LMBR1: variants seen among roughly 807,000 people sequenced by gnomAD.
LMBR1 encodes the protein limb development membrane protein 1, also known as limb region 1 protein homolog.
Under a neutral mutation model 73.9 loss-of-function variants are expected in LMBR1, and 52 were observed. That is an observed-to-expected ratio of 0.70 (90% CI 0.56 to 0.89). LMBR1 has a LOEUF of 0.89. LMBR1 is among the 40% of genes least tolerant of loss of function. The probability of loss-of-function intolerance (pLI) is 0.00; values close to 1 mark genes in which losing one functional copy is unlikely to be tolerated. For missense variants in LMBR1, 539 were observed against 579.8 expected (o/e 0.93, Z 0.72); for synonymous variants, 215 against 209.4 (o/e 1.03, Z -0.23).
chr7:156,761,116 C>T lies in LMBR1; in HGVS notation c.684+1018G>A, dbSNP rs138799858. 7.3e-3 allele frequency among the ~76,000 whole-genome samples: 1,119 copies of T among 152,262 alleles called. 8 individuals carry two copies. Among genetic ancestry groups the T allele is most frequent in the African/African-American group, 0.026 (1,066 of 41,558 alleles). ...TGCATAGAGCCTATTCAGAGCACAG[C>T]AAGTTCGCTCATGAGCTAGAGTGAC... On this transcript the variant is annotated intron_variant, in intron 8 of 16. Transcript: ENST00000353442.
At chr7:156,815,665 G>A (rs1466193711) in intron 4 of LMBR1, among the ~76,000 whole-genome samples, 1 of 152,110 alleles carries the variant, frequency 6.6e-6, no homozygotes, top group Admixed American at 6.5e-5. Context: ...CATTAGCCAC[G>A]TGGCTCACTT....
intron 3 of LMBR1, among the ~76,000 whole-genome samples, chr7:156,827,852 A>G (rs191718297): frequency 6.6e-6 from 1 of 152,172 alleles, no homozygotes; most frequent in Non-Finnish European, 1.5e-5. Context: ...TCCTTGGTTT[A>G]GTAAATCAAT....
At chr7:156,789,546 C>G (rs1431898211) in intron 5 of LMBR1, among the ~76,000 whole-genome samples, 2 of 152,018 alleles carry the variant, frequency 1.3e-5, no homozygotes, top group African/African-American at 4.8e-5. Context: ...AATTAATGTA[C>G]CAAGGTTCAG....
At chr7:156,874,854 A>G (rs1369575979) in intron 1 of LMBR1, among the ~76,000 whole-genome samples, 2 of 152,236 alleles carry the variant, frequency 1.3e-5, no homozygotes, top group African/African-American at 4.8e-5. Flanking sequence ...AAGGAACCAG[A>G]AAAACAATTC....
chr7:156,851,190 G>A (rs944019898), intron 1 of LMBR1, among the ~76,000 whole-genome samples: 1 of 152,096 alleles, frequency 6.6e-6, no homozygotes, highest in African/African-American at 2.4e-5. Context: ...TTCCTTTACA[G>A]CAACGCAAAA....
intron 5 of LMBR1, among the ~76,000 whole-genome samples, chr7:156,782,557 G>GT (rs1827338209): frequency 1.3e-5 from 2 of 151,824 alleles, no homozygotes; most frequent in Non-Finnish European, 2.9e-5. Context: ...TTGTTTGTTT[G>GT]TTTTTGAAAC....
intron 9 of LMBR1, among the ~76,000 whole-genome samples, chr7:156,751,606 C>T (rs1270913297): frequency 6.6e-6 from 1 of 152,148 alleles, no homozygotes; most frequent in African/African-American, 2.4e-5. Context: ...AGGAAGCTAC[C>T]GCAAAAACCT....
At chr7:156,852,374 G>A (rs1039508249) in intron 1 of LMBR1, among the ~76,000 whole-genome samples, 1 of 152,054 alleles carries the variant, frequency 6.6e-6, no homozygotes, top group Non-Finnish European at 1.5e-5. Context: ...AAAAAAATAA[G>A]AGATTGCTTA....
intron 5 of LMBR1, among the ~76,000 whole-genome samples, chr7:156,789,379 G>A (rs1003265397): frequency 9.2e-5 from 14 of 151,974 alleles, no homozygotes; most frequent in East Asian, 3.9e-4. Context: ...TATTTAAGTC[G>A]TATCATGTTA....
At chr7:156,816,238 C>T (rs1247049956) in intron 4 of LMBR1, among the ~76,000 whole-genome samples, 1 of 151,942 alleles carries the variant, frequency 6.6e-6, no homozygotes, top group Non-Finnish European at 1.5e-5. Flanking sequence ...CAGAGTCTCA[C>T]TCTGCTGCCC....
At chr7:156,836,053 C>T (rs1225496823) in intron 2 of LMBR1, among the ~76,000 whole-genome samples, 2 of 152,162 alleles carry the variant, frequency 1.3e-5, no homozygotes, top group Non-Finnish European at 2.9e-5. Flanking sequence ...AGTGCAGTCA[C>T]AGAGCCAAGT....
intron 1 of LMBR1, among the ~76,000 whole-genome samples, chr7:156,847,502 G>GA (rs1795656386): frequency 6.6e-6 from 1 of 152,170 alleles, no homozygotes; most frequent in African/African-American, 2.4e-5. Context: ...AATGAAAAGA[G>GA]AATCACAGGC....
rs1415193651 is a variant in LMBR1, at chr7:156,683,471, C to T, written c.*607G>A. The T allele has an allele frequency of 6.6e-6, 1 of 152,562 alleles. No homozygotes were observed. Among genetic ancestry groups the T allele is most frequent in the Non-Finnish European group, 1.5e-5 (1 of 68,040 alleles). The allele number at this position is 152,562 out of a possible 1,614,324, so 9.5% of individuals were successfully genotyped here. A position where few individuals can be genotyped will look rare whatever the true frequency, so the allele number is the denominator to read the frequency against. ...GGTTTAAAAGAATTTAGTATTTTCCCCTTGGCTCAAAGTCTAATCAGTATC... is the reference window on the plus strand; with the variant it reads ...GGTTTAAAAGAATTTAGTATTTTCCTCTTGGCTCAAAGTCTAATCAGTATC... On this transcript the variant is annotated 3_prime_UTR_variant, in exon 17 of 17. Coordinates refer to ENST00000353442, the MANE Select transcript of LMBR1 (RefSeq NM_022458.4).
intron 4 of LMBR1, 55 bp downstream of exon 4, chr7:156,826,550 G>A: frequency 8.9e-7 from 1 of 1,121,282 alleles, no homozygotes; most frequent in Non-Finnish European, 1.2e-6. Context: ...TAAAAATATG[G>A]TGCAGTAAAA....
chr7:156,767,434 T>C (rs1480246950), intron 5 of LMBR1, among the ~76,000 whole-genome samples: 1 of 152,104 alleles, frequency 6.6e-6, no homozygotes, highest in Non-Finnish European at 1.5e-5. Context: ...TTTATTATCT[T>C]ATACATTAAG....
Position 156,753,107 on chromosome 7 carries a change from A to T in LMBR1, c.757+3286T>A, listed in dbSNP as rs60677235. Among the ~76,000 whole-genome samples, 1,392 of 152,214 alleles carry T rather than the reference A, an allele frequency of 9.1e-3. 17 individuals carry two copies. Among genetic ancestry groups the T allele is most frequent in the African/African-American group, 0.032 (1,320 of 41,512 alleles). On this transcript the variant is annotated intron_variant, in intron 9 of 16. Transcript: ENST00000353442. Reference sequence around the variant, plus strand: ...GGAGAGTAGGATGCTTGATTGTAAGATTATGCAAAAGAACTTGGATGGGTT... The same window carrying T: ...GGAGAGTAGGATGCTTGATTGTAAGTTTATGCAAAAGAACTTGGATGGGTT...
At chr7:156,821,102 T>C (rs1834722753) in intron 4 of LMBR1, among the ~76,000 whole-genome samples, 1 of 152,234 alleles carries the variant, frequency 6.6e-6, no homozygotes, top group South Asian at 2.1e-4. Context: ...TTGCCCATCA[T>C]GAACTGAATG....
intron 9 of LMBR1, among the ~76,000 whole-genome samples, chr7:156,748,256 G>A (rs1585532858): frequency 6.6e-6 from 1 of 152,076 alleles, no homozygotes; most frequent in South Asian, 2.1e-4. Flanking sequence ...GATAGAAATT[G>A]TTAAATAATC....
At chr7:156,889,444 T>A (rs897642165) in intron 1 of LMBR1, among the ~76,000 whole-genome samples, 3 of 152,182 alleles carry the variant, frequency 2.0e-5, no homozygotes, top group Non-Finnish European at 2.9e-5. Context: ...TTGAATAATT[T>A]TAAAAATTGG....
Sources: allele counts gnomAD v4.1 joint callset (sites outside exome capture counted in the v4.1 genomes callset), GRCh38; gene constraint gnomAD v4.1.1; transcripts MANE v1.5; gene names NCBI Gene and HGNC (gene_info 2026-07-23, HGNC 2026-07-21).